IQCJ: variants seen among roughly 807,000 people sequenced by gnomAD.
IQCJ encodes IQ domain-containing protein J.
A neutral mutation model predicts 11.0 loss-of-function variants in IQCJ; 9 were observed. The observed-to-expected ratio is 0.82, with a 90% confidence interval of 0.49 to 1.43. The LOEUF (loss-of-function observed/expected upper bound fraction) is 1.43, where lower values mean the gene tolerates loss of function less well. Among genes scored for constraint, IQCJ ranks in the 40% most tolerant of loss-of-function variants. The pLI is 0.00. For missense variants in IQCJ, 146 were observed against 133.2 expected (o/e 1.10, Z -0.47); for synonymous variants, 55 against 51.3 (o/e 1.07, Z -0.31).
chr3:159,222,795 AG>A (rs1577091646), intron 1 of IQCJ, among the ~76,000 whole-genome samples: 3 of 151,854 alleles, frequency 2.0e-5, no homozygotes, highest in Non-Finnish European at 4.4e-5. Flanking sequence ...GTAAATCAAA[AG>A]TTCATATTGT....
At chr3:159,243,937 A>T (rs1727088762) in intron 1 of IQCJ, among the ~76,000 whole-genome samples, 1 of 152,214 alleles carries the variant, frequency 6.6e-6, no homozygotes, top group Non-Finnish European at 1.5e-5. Flanking sequence ...GGTCAATAAG[A>T]TTAGCTCATT....
chr3:159,230,125 A>G (rs1726160761), intron 1 of IQCJ, among the ~76,000 whole-genome samples: 1 of 151,786 alleles, frequency 6.6e-6, no homozygotes, highest in South Asian at 2.1e-4. Flanking sequence ...TCCCACTTAC[A>G]AGTGAGAACA....
intron 1 of IQCJ, among the ~76,000 whole-genome samples, chr3:159,130,852 GTTTT>G (rs1452312557): frequency 6.6e-6 from 1 of 152,014 alleles, no homozygotes; most frequent in Non-Finnish European, 1.5e-5. Context: ...TAGAAATATA[GTTTT>G]TTTGTTTGTT....
chr3:159,116,609 C>CATATGTAT, intron 1 of IQCJ, among the ~76,000 whole-genome samples: 1 of 91,140 alleles, frequency 1.1e-5, no homozygotes, highest in African/African-American at 4.3e-5. Context: ...GCATCCTGCT[C>CATATGTAT]ATATGTATAT....
At chr3:159,131,317 A>T (rs1203040789) in intron 1 of IQCJ, among the ~76,000 whole-genome samples, 2 of 142,320 alleles carry the variant, frequency 1.4e-5, no homozygotes, top group Non-Finnish European at 3.1e-5. Flanking sequence ...CCTCACCCCC[A>T]CCCAAGTCCC....
At chr3:159,224,463 TAA>T (rs1279782882) in intron 1 of IQCJ, among the ~76,000 whole-genome samples, 3 of 152,160 alleles carry the variant, frequency 2.0e-5, no homozygotes, top group Non-Finnish European at 2.9e-5. Flanking sequence ...TACTACTGAA[TAA>T]GCAAACAGTA....
chr3:159,149,456 C>T (rs11717303), intron 1 of IQCJ, among the ~76,000 whole-genome samples: 2 of 151,840 alleles, frequency 1.3e-5, no homozygotes, highest in South Asian at 2.1e-4. Context: ...AAAAATAGAG[C>T]TTTTTTTTCC....
chr3:159,094,406 T>C (rs186219734), intron 1 of IQCJ, among the ~76,000 whole-genome samples: 2 of 149,442 alleles, frequency 1.3e-5, no homozygotes, highest in Non-Finnish European at 3.0e-5. Context: ...CTCTGCAGTT[T>C]TTTGTACAGG....
intron 1 of IQCJ, among the ~76,000 whole-genome samples, chr3:159,183,309 A>T (rs1356123785): frequency 6.6e-6 from 1 of 152,170 alleles, no homozygotes; most frequent in Non-Finnish European, 1.5e-5. Flanking sequence ...ACAGCTCTTC[A>T]TACTTTATAT....
At chr3:159,213,169 C>T (rs551472591) in intron 1 of IQCJ, among the ~76,000 whole-genome samples, 4 of 152,228 alleles carry the variant, frequency 2.6e-5, no homozygotes, top group Admixed American at 2.0e-4. Flanking sequence ...CCATATGTGT[C>T]GCAGCCCATA....
At chr3:159,197,922 T>C (rs1176552737) in intron 1 of IQCJ, among the ~76,000 whole-genome samples, 1 of 152,206 alleles carries the variant, frequency 6.6e-6, no homozygotes, top group Non-Finnish European at 1.5e-5. Context: ...AATTTTTTTT[T>C]ACTATTATAG....
At chr3:159,264,460 G>T (rs1728390133), downstream of IQCJ, among the ~76,000 whole-genome samples, 1 of 152,068 alleles carries the variant, frequency 6.6e-6, no homozygotes, top group African/African-American at 2.4e-5. Context: ...TTTAGTAGAA[G>T]ATATTTCCTC....
At chr3:159,185,976 C>T (rs1204465009) in intron 1 of IQCJ, among the ~76,000 whole-genome samples, 1 of 152,144 alleles carries the variant, frequency 6.6e-6, no homozygotes, top group Admixed American at 6.5e-5. Context: ...AATTAGACTC[C>T]AACTTTTGAA....
intron 1 of IQCJ, among the ~76,000 whole-genome samples, chr3:159,155,849 A>G (rs150274884): frequency 7.2e-4 from 109 of 152,342 alleles, no homozygotes; most frequent in African/African-American, 2.5e-3. Flanking sequence ...GCTTTTAAAC[A>G]TAATGCATAT....
chr3:159,185,161 G>A (rs1723307960), intron 1 of IQCJ, among the ~76,000 whole-genome samples: 1 of 152,222 alleles, frequency 6.6e-6, no homozygotes, highest in Non-Finnish European at 1.5e-5. Context: ...CCTGATTCTT[G>A]GTAATCAGAA....
chr3:159,168,310 C>A (rs932405732), intron 1 of IQCJ, among the ~76,000 whole-genome samples: 5 of 152,266 alleles, frequency 3.3e-5, no homozygotes, highest in South Asian at 2.1e-4. Context: ...TGAAAAAAAT[C>A]TTTTAAAACA....
At chr3:159,149,454 A>G (rs1405893969) in intron 1 of IQCJ, among the ~76,000 whole-genome samples, 1 of 152,048 alleles carries the variant, frequency 6.6e-6, no homozygotes, top group Non-Finnish European at 1.5e-5. Context: ...TTAAAAATAG[A>G]GCTTTTTTTT....
chr3:159,109,527 T>TAAAAAAAAAAAA (rs3051445), intron 1 of IQCJ, among the ~76,000 whole-genome samples: 1 of 122,664 alleles, frequency 8.2e-6, no homozygotes, highest in Non-Finnish European at 1.7e-5. Context: ...TTGTATTAAC[T>TAAAAAAAAAAAA]AAAAAAAAAA....
At chr3:159,241,552 G>T (rs531784985) in intron 1 of IQCJ, among the ~76,000 whole-genome samples, 2 of 152,126 alleles carry the variant, frequency 1.3e-5, no homozygotes, top group African/African-American at 4.8e-5. Context: ...TTTTTCCTTT[G>T]TCTCCATCCT....
Sources: allele counts gnomAD v4.1 joint callset (sites outside exome capture counted in the v4.1 genomes callset), GRCh38; gene constraint gnomAD v4.1.1; transcripts MANE v1.5; gene names NCBI Gene and HGNC (gene_info 2026-07-23, HGNC 2026-07-21).